Variants in EPHA6 observed in about 807,000 individuals in gnomAD.
EPHA6 encodes ephrin type-A receptor 6.
A neutral mutation model predicts 112.0 loss-of-function variants in EPHA6; 50 were observed. That is an observed-to-expected ratio of 0.45 (90% CI 0.36 to 0.56). The LOEUF is 0.56. EPHA6 is among the 20% of genes least tolerant of loss of function. The pLI is 0.00. For missense variants in EPHA6, 1,280 were observed against 1,417.4 expected, an observed-to-expected ratio of 0.90 and a Z score of 1.56; for synonymous variants, 529 against 490.7, an observed-to-expected ratio of 1.08 and a Z score of -1.03.
At chr3:97,419,826 G>A (rs1242001173) in intron 6 of EPHA6, among the ~76,000 whole-genome samples, 2 of 152,090 alleles carry the variant, frequency 1.3e-5, no homozygotes, top group African/African-American at 4.8e-5. Context: ...TCAAAATTTA[G>A]GTTTCTAAAT....
At chr3:96,859,367 C>G (rs1016598050) in intron 1 of EPHA6, among the ~76,000 whole-genome samples, 11 of 150,280 alleles carry the variant, frequency 7.3e-5, no homozygotes, top group African/African-American at 2.7e-4. Context: ...AAAGTGTTTA[C>G]CTCTGATAAT....
At chr3:97,556,499 A>T (rs1221138263) in intron 11 of EPHA6, among the ~76,000 whole-genome samples, 1 of 152,020 alleles carries the variant, frequency 6.6e-6, no homozygotes, top group East Asian at 1.9e-4. Context: ...TGCAGAGTGA[A>T]GCAGTATGGA....
intron 10 of EPHA6, among the ~76,000 whole-genome samples, chr3:97,490,529 G>C (rs1212359772): frequency 6.6e-6 from 1 of 151,858 alleles, no homozygotes; most frequent in Admixed American, 6.6e-5. Flanking sequence ...TTTGTGTATT[G>C]CTAAAATATT....
Position 97,755,683 on chromosome 3 carries a change from G to C in EPHA6, c.*6982G>C, listed in dbSNP as rs963517952. On this transcript the variant is annotated 3_prime_UTR_variant, in exon 18 of 18. Transcript: ENST00000389672. ...ATATTCCATTCAATTTGTATATTTA[G>C]GTATTAGTAACTGAGGATAGATATC... Among the ~76,000 whole-genome samples the C allele has an allele frequency of 6.6e-6, 1 of 152,172 alleles. No homozygotes were observed. Among genetic ancestry groups the C allele is most frequent in the African/African-American group, 2.4e-5 (1 of 41,558 alleles).
intron 5 of EPHA6, among the ~76,000 whole-genome samples, chr3:97,254,239 A>T (rs1315851862): frequency 6.6e-6 from 1 of 151,988 alleles, no homozygotes; most frequent in Non-Finnish European, 1.5e-5. Flanking sequence ...CCCAGGCTGG[A>T]GTGCAGTGGC....
At chr3:97,633,934 T>C (rs1187471231) in intron 13 of EPHA6, among the ~76,000 whole-genome samples, 1 of 152,140 alleles carries the variant, frequency 6.6e-6, no homozygotes, top group Non-Finnish European at 1.5e-5. Flanking sequence ...AGATCCTCAT[T>C]TATTGATTTA....
At chr3:96,918,726 A>G (rs1199255819) in intron 2 of EPHA6, among the ~76,000 whole-genome samples, 3 of 151,744 alleles carry the variant, frequency 2.0e-5, no homozygotes, top group Non-Finnish European at 2.9e-5. Context: ...AGGTATAACT[A>G]TTTTTTTTAA....
intron 12 of EPHA6, among the ~76,000 whole-genome samples, chr3:97,606,552 G>A (rs2093681423): frequency 6.6e-6 from 1 of 151,268 alleles, no homozygotes; most frequent in Non-Finnish European, 1.5e-5. Context: ...AACAGGAAAA[G>A]AAAGTTCAAA....
intron 14 of EPHA6, among the ~76,000 whole-genome samples, chr3:97,709,104 A>T (rs1242568417): frequency 6.6e-6 from 1 of 150,510 alleles, no homozygotes; most frequent in African/African-American, 2.5e-5. Context: ...GAGAAGAGGG[A>T]CACTATCCTC....
At chr3:97,719,100 A>T (rs888311504) in intron 14 of EPHA6, among the ~76,000 whole-genome samples, 4 of 16,262 alleles carry the variant, frequency 2.5e-4, no homozygotes, top group African/African-American at 4.5e-4. Flanking sequence ...CCCCCCCCCC[A>T]CCCCCCCCGC....
At chr3:97,338,300 A>G (rs2083151435) in intron 5 of EPHA6, among the ~76,000 whole-genome samples, 1 of 152,124 alleles carries the variant, frequency 6.6e-6, no homozygotes, top group African/African-American at 2.4e-5. Flanking sequence ...GACATGAAGT[A>G]TAATTCTTCA....
chr3:96,870,609 A>T (rs2036576138), intron 2 of EPHA6, among the ~76,000 whole-genome samples: 1 of 152,128 alleles, frequency 6.6e-6, no homozygotes, highest in African/African-American at 2.4e-5. Context: ...AGTCATGTTG[A>T]TACATAAAAT....
chr3:96,872,551 G>A (rs1280293935), intron 2 of EPHA6, among the ~76,000 whole-genome samples: 1 of 152,062 alleles, frequency 6.6e-6, no homozygotes, highest in Non-Finnish European at 1.5e-5. Flanking sequence ...TTTTGTTTGA[G>A]AAAGTCTTTA....
intron 1 of EPHA6, among the ~76,000 whole-genome samples, chr3:96,839,182 G>A (rs1198158499): frequency 1.3e-5 from 2 of 152,116 alleles, no homozygotes; most frequent in African/African-American, 2.4e-5. Context: ...GCTGCAGACT[G>A]GTACTAGTTC....
At chr3:97,403,422 G>C (rs1206680404) in intron 5 of EPHA6, among the ~76,000 whole-genome samples, 1 of 152,024 alleles carries the variant, frequency 6.6e-6, no homozygotes, top group Non-Finnish European at 1.5e-5. Context: ...TGATTCTGTT[G>C]ATTTTTCAAA....
intron 5 of EPHA6, among the ~76,000 whole-genome samples, chr3:97,327,241 A>G (rs1224306339): frequency 5.3e-5 from 8 of 152,068 alleles, no homozygotes. Context: ...AATCTATGCC[A>G]TATATTGTTT....
chr3:97,385,341 T>G lies in EPHA6; in HGVS notation c.1607-19809T>G, dbSNP rs924075310. On this transcript the variant is annotated intron_variant, in intron 5 of 17. Transcript: ENST00000389672. Reference sequence around the variant, plus strand: ...GAACCCATAGACCTTCTTCAGAAATTCTAACATTAAATGCATATCAAGATA... The same window carrying G: ...GAACCCATAGACCTTCTTCAGAAATGCTAACATTAAATGCATATCAAGATA... Among the ~76,000 whole-genome samples the G allele has an allele frequency of 7.9e-5, 12 of 152,286 alleles. No individual in the cohort carries two copies. The South Asian group carries it at 2.1e-3, about 26-fold the overall frequency.
chr3:97,251,323 G>A (rs2079133261), intron 5 of EPHA6, among the ~76,000 whole-genome samples: 1 of 152,042 alleles, frequency 6.6e-6, no homozygotes, highest in Admixed American at 6.5e-5. Flanking sequence ...GAGGTCAGGA[G>A]ATCGAGACCG....
At chr3:97,399,440 TC>T (rs2086863592) in intron 5 of EPHA6, among the ~76,000 whole-genome samples, 1 of 151,492 alleles carries the variant, frequency 6.6e-6, no homozygotes, top group South Asian at 2.1e-4. Context: ...TCATTTCCTC[TC>T]GATATATACC....
Sources: gnomAD v4.1 joint callset for allele counts (sites outside exome capture counted in the v4.1 genomes callset) on GRCh38, gnomAD v4.1.1 for gene constraint, MANE v1.5 for transcripts, NCBI Gene and HGNC (gene_info 2026-07-23, HGNC 2026-07-21) for gene names.